The following AFF3 variants were observed in gnomAD, a reference collection of about 807,000 sequenced individuals.
AFF3 encodes AF4/FMR2 family member 3.
Under a neutral mutation model 129.7 loss-of-function variants are expected in AFF3, and 32 were observed. The ratio of observed to expected loss-of-function variants is 0.25; its 90% CI spans 0.19 to 0.33. The LOEUF is 0.33. Ranked by LOEUF, AFF3 falls within the 10% of genes least tolerant of loss-of-function variation. AFF3 has a pLI of 1.00. For synonymous variants in AFF3, 644 were observed against 635.4 expected (o/e 1.01, Z -0.20); for missense variants, 1,373 against 1,592.0 (o/e 0.86, Z 2.34).
intron 11 of AFF3, 114 bp downstream of exon 11, chr2:99,726,963 A>T: frequency 1.1e-6 from 1 of 946,136 alleles, no homozygotes; most frequent in Non-Finnish European, 1.5e-6. Flanking sequence ...GAGAAAAGAG[A>T]ACCATGGGCT....
At chr2:99,703,332 G>A (rs1472744644) in intron 11 of AFF3, among the ~76,000 whole-genome samples, 1 of 152,198 alleles carries the variant, frequency 6.6e-6, no homozygotes, top group Non-Finnish European at 1.5e-5. Flanking sequence ...CACAATCACA[G>A]GTTTTGGGGA....
chr2:99,891,345 C>T (rs552496204), intron 7 of AFF3, among the ~76,000 whole-genome samples: 1 of 152,156 alleles, frequency 6.6e-6, no homozygotes, highest in East Asian at 1.9e-4. Context: ...CAGCAGCAGG[C>T]CAGGCTTTTG....
At chr2:99,871,563 A>T (rs1304305751) in intron 7 of AFF3, among the ~76,000 whole-genome samples, 1 of 148,786 alleles carries the variant, frequency 6.7e-6, no homozygotes, top group Non-Finnish European at 1.5e-5. Context: ...GCTGACTCTT[A>T]ACAACTAATC....
rs546134889 is a variant in AFF3, at chr2:99,615,393, G to A, written c.1185-13772C>T. ...CACTGTTTGAGAGACTGTGACAAGC[G>A]GCAGCTGCCTTCTGGTGATACAACT... On this transcript the variant is annotated intron_variant, in intron 13 of 24. Transcript: ENST00000672756. Among the ~76,000 whole-genome samples, 11 of 152,340 alleles carry A rather than the reference G, an allele frequency of 7.2e-5. No homozygotes were observed. The East Asian group carries it at 1.5e-3, about 21-fold the overall frequency.
At chr2:100,088,832 T>C (rs1250721600) in intron 4 of AFF3, among the ~76,000 whole-genome samples, 1 of 152,262 alleles carries the variant, frequency 6.6e-6, no homozygotes, top group African/African-American at 2.4e-5. Context: ...ATTTTTACTT[T>C]GGCCAGTCTC....
intron 16 of AFF3, 40 bp downstream of exon 16, chr2:99,587,114 T>C: frequency 6.2e-7 from 1 of 1,611,122 alleles, no homozygotes; most frequent in Non-Finnish European, 8.5e-7. Flanking sequence ...GACCCAGAGA[T>C]CTCTCCAGCT....
At chr2:99,618,293 T>C (rs1009918653) in intron 13 of AFF3, among the ~76,000 whole-genome samples, 16 of 136,404 alleles carry the variant, frequency 1.2e-4, no homozygotes, top group African/African-American at 3.3e-4. Flanking sequence ...TGGAGTACAG[T>C]GGCGCTATCT....
chr2:99,597,583 T>C (rs3792129), intron 14 of AFF3, among the ~76,000 whole-genome samples: 129,862 of 152,078 alleles, frequency 0.85, 55,561 homozygotes, highest in East Asian at 0.93. Flanking sequence ...ATTCCTTTAT[T>C]ATCATCATTT....
At chr2:99,955,568 A>C (rs185376286) in intron 7 of AFF3, among the ~76,000 whole-genome samples, 3 of 152,220 alleles carry the variant, frequency 2.0e-5, no homozygotes, top group African/African-American at 7.2e-5. Context: ...TGGTGTCCAC[A>C]GGATTGACTT....
chr2:99,648,849 C>G (rs555550969), intron 13 of AFF3, among the ~76,000 whole-genome samples: 9 of 147,798 alleles, frequency 6.1e-5, no homozygotes, highest in African/African-American at 2.0e-4. Flanking sequence ...ACAGGGATTT[C>G]ATCTTTACCT....
intron 4 of AFF3, among the ~76,000 whole-genome samples, chr2:100,048,753 T>C (rs910652813): frequency 6.6e-6 from 1 of 152,224 alleles, no homozygotes; most frequent in Non-Finnish European, 1.5e-5. Flanking sequence ...AATCTTAATA[T>C]ATGGTGTGCA....
At chr2:99,725,778 ATTCT>A (rs891555249) in intron 11 of AFF3, among the ~76,000 whole-genome samples, 88 of 152,248 alleles carry the variant, frequency 5.8e-4, no homozygotes, top group Admixed American at 2.6e-4. Context: ...TACTTTGTAT[ATTCT>A]TTGTCAGTCT....
intron 7 of AFF3, among the ~76,000 whole-genome samples, chr2:99,930,573 TTC>T (rs1696600810): frequency 6.6e-6 from 1 of 152,182 alleles, no homozygotes; most frequent in Non-Finnish European, 1.5e-5. Flanking sequence ...CTCTCCCTCT[TTC>T]TCTTTCTCTC....
rs1690596961 is a variant in AFF3, at chr2:99,857,244, T to G, written c.874-19720A>C. Among the ~76,000 whole-genome samples, 3 of 152,220 alleles carry G rather than the reference T, an allele frequency of 2.0e-5. No homozygotes were observed. In the South Asian group the frequency reaches 6.2e-4, roughly 31 times the overall value. ...CTCATTTGCAAACTGTTCCTATAAT[T>G]GTGCCACTCATTTACAGGCACAACA... On this transcript the variant is annotated intron_variant, in intron 7 of 24. Transcript: ENST00000672756.
intron 7 of AFF3, among the ~76,000 whole-genome samples, chr2:99,990,028 C>G (rs1393408700): frequency 6.6e-6 from 1 of 152,012 alleles, no homozygotes; most frequent in Non-Finnish European, 1.5e-5. Flanking sequence ...TAAGGGTGGT[C>G]AAGAAAAGCT....
At chr2:99,764,960 T>C (rs1682890109) in intron 8 of AFF3, among the ~76,000 whole-genome samples, 1 of 152,160 alleles carries the variant, frequency 6.6e-6, no homozygotes, top group Non-Finnish European at 1.5e-5. Context: ...ACTGAGAGAA[T>C]TTCCCAAATT....
intron 17 of AFF3, among the ~76,000 whole-genome samples, chr2:99,579,590 G>T (rs1368727272): frequency 8.8e-5 from 13 of 147,168 alleles, no homozygotes; most frequent in Admixed American, 8.8e-4. Flanking sequence ...CGTGGTGGTA[G>T]GTGCCTGTAA....
intron 7 of AFF3, among the ~76,000 whole-genome samples, chr2:100,003,688 A>T (rs1681667739): frequency 6.6e-6 from 1 of 152,220 alleles, no homozygotes; most frequent in African/African-American, 2.4e-5. Flanking sequence ...ACTGCAAATA[A>T]TTTGCCATAG....
At chr2:99,873,731 T>C (rs79305188) in intron 7 of AFF3, among the ~76,000 whole-genome samples, 1 of 151,360 alleles carries the variant, frequency 6.6e-6, no homozygotes, top group Non-Finnish European at 1.5e-5. Context: ...CTTAGTGGTT[T>C]TTTTTTTTTT....
Sources: gnomAD v4.1 joint callset for allele counts (sites outside exome capture counted in the v4.1 genomes callset) on GRCh38, gnomAD v4.1.1 for gene constraint, MANE v1.5 for transcripts, NCBI Gene and HGNC (gene_info 2026-07-23, HGNC 2026-07-21) for gene names.